NSMCE2: variants seen among roughly 807,000 people sequenced by gnomAD.
NSMCE2 encodes the protein NSE2 SUMO ligase component of SMC5/6 complex.
A neutral mutation model predicts 23.8 loss-of-function variants in NSMCE2; 24 were observed. That is an observed-to-expected ratio of 1.01 (90% CI 0.73 to 1.42). The LOEUF (loss-of-function observed/expected upper bound fraction) is 1.42. Among genes scored for constraint, NSMCE2 ranks in the 40% most tolerant of loss-of-function variants. The pLI is 0.00. For missense variants in NSMCE2, 284 were observed against 296.5 expected, an observed-to-expected ratio of 0.96 and a Z score of 0.31; for synonymous variants, 92 against 94.1, an observed-to-expected ratio of 0.98 and a Z score of 0.13.
At chr8:125,340,043 C>T (rs1458267121) in intron 5 of NSMCE2, among the ~76,000 whole-genome samples, 1 of 110,414 alleles carries the variant, frequency 9.1e-6, no homozygotes. Context: ...GAGACGGAGT[C>T]TCGCTCTGTG....
At chr8:125,109,668 G>A (rs1818633562) in intron 3 of NSMCE2, among the ~76,000 whole-genome samples, 1 of 152,128 alleles carries the variant, frequency 6.6e-6, no homozygotes, top group Non-Finnish European at 1.5e-5. Context: ...AAGAACTAGG[G>A]TGGTGATGTG....
chr8:125,243,578 A>C (rs1187581487), intron 5 of NSMCE2, among the ~76,000 whole-genome samples: 1 of 152,172 alleles, frequency 6.6e-6, no homozygotes, highest in Admixed American at 6.5e-5. Context: ...AAAATCAAGA[A>C]TCATATCTCA....
At chr8:125,279,544 T>C (rs1200572694) in intron 5 of NSMCE2, among the ~76,000 whole-genome samples, 1 of 152,208 alleles carries the variant, frequency 6.6e-6, no homozygotes, top group Non-Finnish European at 1.5e-5. Flanking sequence ...TTGTGTCGGA[T>C]ATAATGTAAG....
chr8:125,243,116 A>G (rs1450420677), intron 5 of NSMCE2, among the ~76,000 whole-genome samples: 1 of 152,222 alleles, frequency 6.6e-6, no homozygotes, highest in Non-Finnish European at 1.5e-5. Flanking sequence ...TGAAAAAGAC[A>G]TTGGCTCACC....
At chr8:125,230,757 G>A (rs1825291247) in intron 5 of NSMCE2, among the ~76,000 whole-genome samples, 1 of 152,144 alleles carries the variant, frequency 6.6e-6, no homozygotes, top group African/African-American at 2.4e-5. Context: ...AAATAGATTT[G>A]CAAAACAAAT....
chr8:125,177,327 C>A (rs1412566059), intron 4 of NSMCE2, among the ~76,000 whole-genome samples: 2 of 152,140 alleles, frequency 1.3e-5, no homozygotes, highest in African/African-American at 4.8e-5. Context: ...TGATCCCGAG[C>A]TCAAAGTTTT....
At chr8:125,343,644 TA>T (rs1053318415) in intron 5 of NSMCE2, among the ~76,000 whole-genome samples, 22 of 146,218 alleles carry the variant, frequency 1.5e-4, no homozygotes, top group South Asian at 2.2e-4. Flanking sequence ...GTCTAAAAAT[TA>T]AAAAAAAAAA....
At chr8:125,152,811 A>G (rs925140489) in intron 4 of NSMCE2, among the ~76,000 whole-genome samples, 1 of 152,146 alleles carries the variant, frequency 6.6e-6, no homozygotes, top group Non-Finnish European at 1.5e-5. Flanking sequence ...TAATCTCAGC[A>G]CTTTGGGAGG....
intron 4 of NSMCE2, among the ~76,000 whole-genome samples, chr8:125,166,950 C>T (rs1353326862): frequency 6.6e-6 from 1 of 152,178 alleles, no homozygotes; most frequent in Non-Finnish European, 1.5e-5. Context: ...TATAAGGATG[C>T]AGGGAGTTAT....
At chr8:125,092,721 A>G (rs915587650) in intron 1 of NSMCE2, among the ~76,000 whole-genome samples, 1 of 152,272 alleles carries the variant, frequency 6.6e-6, no homozygotes, top group Non-Finnish European at 1.5e-5. Flanking sequence ...AATAACATGC[A>G]GAGAAAAAAC....
chr8:125,146,707 G>A, intron 3 of NSMCE2, among the ~76,000 whole-genome samples: 1 of 152,088 alleles, frequency 6.6e-6, no homozygotes, highest in East Asian at 1.9e-4. Flanking sequence ...GAGAACACAT[G>A]GTCACAGGAA....
At chr8:125,143,583 A>G (rs1820498594) in intron 3 of NSMCE2, among the ~76,000 whole-genome samples, 1 of 152,256 alleles carries the variant, frequency 6.6e-6, no homozygotes, top group African/African-American at 2.4e-5. Context: ...TATTTTACTA[A>G]TAAAATGCGT....
chr8:125,250,436 T>C (rs181532725), intron 5 of NSMCE2, among the ~76,000 whole-genome samples: 2 of 152,328 alleles, frequency 1.3e-5, no homozygotes, highest in Admixed American at 1.3e-4. Context: ...ACTACCTCTA[T>C]TGATATATTG....
intron 7 of NSMCE2, among the ~76,000 whole-genome samples, chr8:125,361,067 C>CT (rs11336684): frequency 0.073 from 10,219 of 139,946 alleles, 401 homozygotes; most frequent in African/African-American, 0.088. Context: ...TTATGATTTC[C>CT]TTTTTTTTTT....
rs755127215 is a variant in NSMCE2 at position 125,182,115 on chromosome 8, C to A, written c.277C>A (p.Arg93Ser). 7.5e-6 allele frequency: 12 copies of A among 1,592,916 alleles called. No homozygotes were observed. Among genetic ancestry groups the A allele is most frequent in the Non-Finnish European group, 1.0e-5 (12 of 1,172,794 alleles). ...QSTINHVKEE[R>S]PEKIPDLKLL... ...TTGTCTCCCTTAGGTGAAAGAAGAA[C>A]GTCCAGAAAAAATACCAGATTTAAA... The change falls in exon 5 of 8, where the codon CGT becomes AGT. Residue 93 changes from arginine to serine, a missense_variant. By Grantham distance (110) the Arg-to-Ser change is moderately radical. Coordinates refer to ENST00000287437, the MANE Select transcript of NSMCE2 (RefSeq NM_173685.4).
intron 5 of NSMCE2, among the ~76,000 whole-genome samples, chr8:125,250,756 T>G (rs1329888847): frequency 1.3e-5 from 2 of 152,098 alleles, no homozygotes; most frequent in Admixed American, 1.3e-4. Context: ...GCTCAAGAGA[T>G]CCTCCAACCT....
chr8:125,272,705 T>TAC (rs1827256150), intron 5 of NSMCE2, among the ~76,000 whole-genome samples: 1 of 123,836 alleles, frequency 8.1e-6, no homozygotes. Context: ...TTGGGATATA[T>TAC]ATATATATAT....
At chr8:125,217,778 T>C (rs1179024921) in intron 5 of NSMCE2, among the ~76,000 whole-genome samples, 1 of 152,142 alleles carries the variant, frequency 6.6e-6, no homozygotes, top group African/African-American at 2.4e-5. Context: ...TGTGGCTGTT[T>C]TCCAGACTTG....
At chr8:125,360,446 G>A (rs867470088) in intron 7 of NSMCE2, among the ~76,000 whole-genome samples, 1 of 152,198 alleles carries the variant, frequency 6.6e-6, no homozygotes, top group African/African-American at 2.4e-5. Context: ...GCCAGAGCCC[G>A]ACTTCGTTCT....
Sources: allele counts gnomAD v4.1 joint callset (sites outside exome capture counted in the v4.1 genomes callset), GRCh38; gene constraint gnomAD v4.1.1; transcripts MANE v1.5; gene names NCBI Gene and HGNC (gene_info 2026-07-23, HGNC 2026-07-21).